EFR3A: variants seen among roughly 807,000 people sequenced by gnomAD.
EFR3A encodes protein EFR3 homolog A.
Under a neutral mutation model 104.4 loss-of-function variants are expected in EFR3A, and 76 were observed. The ratio of observed to expected loss-of-function variants is 0.73; its 90% CI spans 0.60 to 0.88. EFR3A has a LOEUF of 0.88. Among genes scored for constraint, EFR3A ranks in the 40% least tolerant of loss-of-function variants. EFR3A has a pLI of 0.00. For missense variants in EFR3A, 985 were observed against 1,012.5 expected, an observed-to-expected ratio of 0.97 and a Z score of 0.37; for synonymous variants, 330 against 330.0, an observed-to-expected ratio of 1.00 and a Z score of 0.00.
rs532175505 is a variant in EFR3A at position 131,961,886 on chromosome 8, G to T, written c.855+2223G>T. 3.9e-5 allele frequency among the ~76,000 whole-genome samples: 6 copies of T among 152,362 alleles called. No individual in the cohort carries two copies. The East Asian group carries it at 1.2e-3, about 29-fold the overall frequency. The stretch of plus-strand genomic sequence containing the variant: ...TTGGCAGAAACTCTACAAGCCAGAA[G>T]AGAGTGGGGGCCAATATTCAACATT... On this transcript the variant is annotated intron_variant, in intron 8 of 22. Coordinates refer to ENST00000254624, the MANE Select transcript of EFR3A (RefSeq NM_015137.6).
At chr8:131,987,467 G>A in intron 17 of EFR3A, 108 bp from the exon 18 acceptor site, 2 of 1,233,772 alleles carry the variant, frequency 1.6e-6, no homozygotes, top group Non-Finnish European at 2.2e-6. Flanking sequence ...TTTACATTGT[G>A]TTTATATTTA....
intron 10 of EFR3A, among the ~76,000 whole-genome samples, chr8:131,974,527 A>G (rs1160337414): frequency 6.6e-6 from 1 of 152,210 alleles, no homozygotes; most frequent in Non-Finnish European, 1.5e-5. Context: ...TTGGAAATAA[A>G]TAACCCTTAC....
intron 19 of EFR3A, among the ~76,000 whole-genome samples, chr8:131,999,263 A>G (rs746434637): frequency 2.0e-5 from 3 of 152,222 alleles, no homozygotes; most frequent in Non-Finnish European, 4.4e-5. Flanking sequence ...TTTTATATCC[A>G]TCTACTCCTG....
intron 1 of EFR3A, among the ~76,000 whole-genome samples, chr8:131,919,474 A>C (rs1210012220): frequency 1.3e-5 from 2 of 151,704 alleles, no homozygotes; most frequent in Non-Finnish European, 2.9e-5. Flanking sequence ...GCGGGCGCCC[A>C]CTACTCAGCT....
At position 131,911,269 on chromosome 8, in the gene EFR3A, G is replaced by T. The variant is rs562103655; in HGVS notation, c.10+6947G>T. The stretch of plus-strand genomic sequence containing the variant: ...ATGTCTTTCTTCTGCTTTTTTGTCT[G>T]TTTTCCCCCTAACCTTTTAACATTA... On this transcript the variant is annotated intron_variant, in intron 1 of 22. Transcript: ENST00000254624. 3.3e-5 allele frequency among the ~76,000 whole-genome samples: 5 copies of T among 152,182 alleles called. No homozygotes were observed. In the South Asian group the frequency reaches 1.0e-3, roughly 32 times the overall value.
At position 131,998,833 on chromosome 8, in the gene EFR3A, T is replaced by G. The variant is rs538157461; in HGVS notation, c.2157+2336T>G. Among the ~76,000 whole-genome samples the G allele has an allele frequency of 2.6e-5, 4 of 152,082 alleles. No individual in the cohort carries two copies. In the South Asian group the frequency reaches 8.3e-4, roughly 32 times the overall value. Reference sequence around the variant, plus strand: ...AAATTGGTGGTTGACTTTAGACGAATGCTTCCCAATGCATATATATGCACA... The same window carrying G: ...AAATTGGTGGTTGACTTTAGACGAAGGCTTCCCAATGCATATATATGCACA... On this transcript the variant is annotated intron_variant, in intron 19 of 22. Transcript: ENST00000254624.
rs758024391 is a variant in EFR3A at position 131,976,083 on chromosome 8, A to T, written c.1216A>T (p.Met406Leu). 19 of 1,607,800 alleles carry T rather than the reference A, an allele frequency of 1.2e-5. No individual in the cohort carries two copies. The highest frequency in any genetic ancestry group is 1.5e-5 in the Non-Finnish European group (18 of 1,176,718). ...YQRSEIMMFI[M>L]GKVPVFGTST... ...GAGGTCAGAAATCATGATGTTCATT[A>T]TGGGGAAAGTACCTGTCTTTGGAAC... is the stretch of plus-strand genomic sequence containing the variant. Residue 406 changes from methionine (M) to leucine (L), a missense_variant, in exon 11 of 23, where the codon ATG (methionine) becomes TTG (leucine). Met to Leu is a conservative substitution (Grantham distance 15). Coordinates refer to ENST00000254624, the MANE Select transcript of EFR3A (RefSeq NM_015137.6).
chr8:131,980,719 G>A (rs1412962917), intron 14 of EFR3A, among the ~76,000 whole-genome samples: 1 of 151,656 alleles, frequency 6.6e-6, no homozygotes, highest in Non-Finnish European at 1.5e-5. Flanking sequence ...CACTATTATT[G>A]ACTATAGTCA....
chr8:131,904,260 C>T lies in EFR3A; in HGVS notation c.-53C>T. On this transcript the variant is annotated 5_prime_UTR_variant, in exon 1 of 23. Coordinates refer to ENST00000254624, the MANE Select transcript of EFR3A (RefSeq NM_015137.6). ...GGCCGTCATGGTGCCGTCGGCGCTC[C>T]CTGCGCGGCCCCGCTGAGCCTCGGT... 1.6e-6 allele frequency: 2 copies of T among 1,281,412 alleles called. No individual in the cohort carries two copies. The highest frequency in any genetic ancestry group is 3.8e-5 in the Admixed American group (1 of 26,402). The allele number at this position is 1,281,412 out of a possible 1,614,324, so 79.4% of individuals were successfully genotyped here.
intron 3 of EFR3A, 114 bp downstream of exon 3, chr8:131,944,986 T>TA: frequency 8.7e-7 from 1 of 1,144,028 alleles, no homozygotes; most frequent in South Asian, 1.5e-5. Context: ...ATATAGAGGA[T>TA]AAAACATTGT....
intron 1 of EFR3A, 31 bp downstream of exon 1, chr8:131,904,353 G>C: frequency 8.0e-7 from 1 of 1,245,908 alleles, no homozygotes. Context: ...CGGGGGCGTT[G>C]GGAGGCGACT....
intron 1 of EFR3A, among the ~76,000 whole-genome samples, chr8:131,928,956 G>A (rs1283083701): frequency 6.6e-6 from 1 of 151,834 alleles, no homozygotes; most frequent in Admixed American, 6.6e-5. Context: ...CTCTTATTGT[G>A]CTGATCATCC....
Position 132,006,134 on chromosome 8 carries a change from A to C in EFR3A, c.2360+2849A>C, listed in dbSNP as rs141683655. 4.2e-3 allele frequency among the ~76,000 whole-genome samples: 642 copies of C among 152,286 alleles called. 4 individuals carry two copies. The highest frequency in any genetic ancestry group is 0.015 in the African/African-American group (620 of 41,578). Reference sequence around the variant, plus strand: ...ATATCTTTAGATGCTTTTGCTTGCAAAGAAGAGAGATCTGAAAGCAGTGAA... The same window carrying C: ...ATATCTTTAGATGCTTTTGCTTGCACAGAAGAGAGATCTGAAAGCAGTGAA... On this transcript the variant is annotated intron_variant, in intron 22 of 22. Coordinates refer to ENST00000254624, the MANE Select transcript of EFR3A (RefSeq NM_015137.6).
intron 1 of EFR3A, chr8:131,940,159 T>G: frequency 4.1e-6 from 1 of 241,614 alleles, no homozygotes; most frequent in East Asian, 1.0e-4. Flanking sequence ...TTGAGTAGAG[T>G]GGATTGCAAC....
intron 1 of EFR3A, among the ~76,000 whole-genome samples, chr8:131,926,105 A>AT (rs1306222880): frequency 1.3e-5 from 2 of 152,140 alleles, no homozygotes; most frequent in East Asian, 1.9e-4. Context: ...GTAAGACTAG[A>AT]TAAAAAAAAG....
At chr8:131,952,590 G>A (rs1271776435) in intron 5 of EFR3A, among the ~76,000 whole-genome samples, 1 of 152,014 alleles carries the variant, frequency 6.6e-6, no homozygotes, top group Non-Finnish European at 1.5e-5. Context: ...AGGTGTAGCA[G>A]CAGGTATGTA....
intron 18 of EFR3A, 90 bp from the exon 19 acceptor site, chr8:131,996,316 G>A: frequency 1.3e-6 from 1 of 794,440 alleles, no homozygotes; most frequent in Non-Finnish European, 1.9e-6. Context: ...TTTTTTGACA[G>A]TTTTTGAAAT....
rs1554611083 is a variant in EFR3A at position 132,012,651 on chromosome 8, T to TA, written c.*1763dup. The TA allele has an allele frequency of 2.6e-5, 4 of 152,492 alleles. No homozygotes were observed. Among genetic ancestry groups the TA allele is most frequent in the Non-Finnish European group, 5.9e-5 (4 of 68,010 alleles). The allele number at this position is 152,492 out of a possible 1,614,324, so 9.4% of individuals were successfully genotyped here. ...GATGTTAATTTTTGACTATATATTTTAAAAAAATCTAAGCAGGGGGACATG... is the reference window on the plus strand; with the variant it reads ...GATGTTAATTTTTGACTATATATTTTAAAAAAAATCTAAGCAGGGGGACATG... On this transcript the variant is annotated 3_prime_UTR_variant, in exon 23 of 23. Transcript: ENST00000254624.
chr8:131,975,166 A>AT (rs1820259711), intron 10 of EFR3A, among the ~76,000 whole-genome samples: 1 of 152,202 alleles, frequency 6.6e-6, no homozygotes, highest in African/African-American at 2.4e-5. Context: ...TTATTTACTT[A>AT]TTTTTTACAT....
Sources: allele counts gnomAD v4.1 joint callset (sites outside exome capture counted in the v4.1 genomes callset), GRCh38; gene constraint gnomAD v4.1.1; transcripts MANE v1.5; gene names NCBI Gene and HGNC (gene_info 2026-07-23, HGNC 2026-07-21).